The following BCAS4 variants were observed in gnomAD, a reference collection of about 807,000 sequenced individuals.
The protein encoded by BCAS4 is breast carcinoma amplified sequence 4, also known as breast carcinoma-amplified sequence 4.
A neutral mutation model predicts 15.7 loss-of-function variants in BCAS4; 9 were observed. The ratio of observed to expected loss-of-function variants is 0.57; its 90% CI spans 0.34 to 1.00. The LOEUF is 1.00. Ranked by LOEUF, BCAS4 falls within the 50% of genes least tolerant of loss-of-function variation. The pLI is 0.02. For synonymous variants in BCAS4, 101 were observed against 99.5 expected (o/e 1.02, Z -0.09); for missense variants, 225 against 239.1 (o/e 0.94, Z 0.39).
chr20:50,837,956 A>G (rs983341823), intron 3 of BCAS4, among the ~76,000 whole-genome samples: 2 of 142,224 alleles, frequency 1.4e-5, no homozygotes, highest in Non-Finnish European at 3.1e-5. Flanking sequence ...CCCATTTCCC[A>G]CCCACCCACC....
chr20:50,813,110 T>C (rs6067556), intron 1 of BCAS4, among the ~76,000 whole-genome samples: 38,731 of 152,192 alleles, frequency 0.25, 6,633 homozygotes, highest in African/African-American at 0.5. Context: ...TGCGCCACTG[T>C]GCCTGGTCTG....
intron 4 of BCAS4, among the ~76,000 whole-genome samples, chr20:50,852,748 G>A (rs1188344740): frequency 6.6e-6 from 1 of 152,198 alleles, no homozygotes; most frequent in Non-Finnish European, 1.5e-5. Flanking sequence ...TTGAAAACAG[G>A]TCTGAGAGGC....
At chr20:50,845,605 C>T (rs1297666058) in intron 4 of BCAS4, among the ~76,000 whole-genome samples, 1 of 152,162 alleles carries the variant, frequency 6.6e-6, no homozygotes, top group African/African-American at 2.4e-5. Context: ...CCCCAGGACC[C>T]CACTGCCCCC....
At chr20:50,829,230 G>A (rs2088314189) in intron 2 of BCAS4, among the ~76,000 whole-genome samples, 1 of 152,072 alleles carries the variant, frequency 6.6e-6, no homozygotes, top group South Asian at 2.1e-4. Flanking sequence ...AGATTCAGTT[G>A]CTCCCCAGAA....
intron 3 of BCAS4, chr20:50,840,730 A>AT (rs1276509543): frequency 1.9e-5 from 31 of 1,612,256 alleles, no homozygotes; most frequent in Non-Finnish European, 2.5e-5. Flanking sequence ...GATCTCAGCC[A>AT]TATCGGATTT....
chr20:50,840,769 A>G, intron 3 of BCAS4: 4 of 1,577,152 alleles, frequency 2.5e-6, no homozygotes, highest in Non-Finnish European at 3.5e-6. Flanking sequence ...GGAGAAGCGG[A>G]GCGAGGCACG....
rs1978417513 is a variant in BCAS4 at position 50,851,483 on chromosome 20, C to T, written c.399+9583C>T. Among the ~76,000 whole-genome samples, 1 of 152,100 alleles carries T rather than the reference C, an allele frequency of 6.6e-6. No homozygotes were observed. The highest frequency in any genetic ancestry group is 1.5e-5 in the Non-Finnish European group (1 of 68,010). The stretch of plus-strand genomic sequence containing the variant: ...ATCAAATTGTGTTTTTCAGGCATTT[C>T]ATTCTTGCTGAGATTTTGAGGATGA... On this transcript the variant is annotated intron_variant, in intron 4 of 4. Coordinates refer to ENST00000371608, the MANE Select transcript of BCAS4 (RefSeq NM_198799.4). The surrounding 1 kb of genome is among the most constrained non-coding windows in gnomAD (Gnocchi z 4.3).
chr20:50,812,894 C>A (rs1406726152), intron 1 of BCAS4, among the ~76,000 whole-genome samples: 1 of 152,210 alleles, frequency 6.6e-6, no homozygotes, highest in Non-Finnish European at 1.5e-5. Context: ...TGGCTCACAG[C>A]AGCCTTGATC....
chr20:50,845,838 A>G (rs6096121), intron 4 of BCAS4, among the ~76,000 whole-genome samples: 27,440 of 152,268 alleles, frequency 0.18, 4,006 homozygotes, highest in African/African-American at 0.4. Context: ...TTCTGCCCCC[A>G]TGGGAGGAGC....
rs1413979758 is a variant in BCAS4, at chr20:50,851,619, A to C, written c.399+9719A>C. 1.3e-5 allele frequency among the ~76,000 whole-genome samples: 2 copies of C among 152,130 alleles called. No homozygotes were observed. Among genetic ancestry groups the C allele is most frequent in the Non-Finnish European group, 2.9e-5 (2 of 68,022 alleles). ...CTTTGCCCTGGTTGGTGGGACCCTCAACATGCCCTTCTCTCAAAGCAGCAC... is the reference window on the plus strand; with the variant it reads ...CTTTGCCCTGGTTGGTGGGACCCTCCACATGCCCTTCTCTCAAAGCAGCAC... On this transcript the variant is annotated intron_variant, in intron 4 of 4. Transcript: ENST00000371608. The surrounding 1 kb of genome is among the most constrained non-coding windows in gnomAD (Gnocchi z 4.3).
intron 3 of BCAS4, among the ~76,000 whole-genome samples, chr20:50,833,577 C>T (rs1045096803): frequency 2.6e-5 from 4 of 152,208 alleles, no homozygotes; most frequent in African/African-American, 4.8e-5. Flanking sequence ...GCAAGATTGC[C>T]GCGTTTCAAA....
intron 2 of BCAS4, among the ~76,000 whole-genome samples, 172 bp downstream of exon 2, chr20:50,818,454 C>G (rs1284672631): frequency 1.3e-5 from 2 of 152,194 alleles, no homozygotes; most frequent in African/African-American, 2.4e-5. Context: ...CTCTCTCTCT[C>G]GCTCTCTCTC....
intron 1 of BCAS4, among the ~76,000 whole-genome samples, chr20:50,814,934 C>T (rs138721445): frequency 9.0e-4 from 137 of 152,158 alleles, no homozygotes; most frequent in African/African-American, 3.0e-3. Flanking sequence ...ATAGTGAGAC[C>T]CCTGTCTCTG....
At chr20:50,844,953 G>T (rs1306820216) in intron 4 of BCAS4, among the ~76,000 whole-genome samples, 1 of 152,130 alleles carries the variant, frequency 6.6e-6, no homozygotes. Context: ...TGGGGGAGGT[G>T]GTGCAGCCTA....
rs199641210 is a variant in BCAS4 at position 50,814,250 on chromosome 20, A to G, written c.91-3961A>G. ...TGAGGTGGGGGACTGACCATAGCTG[A>G]CAAGCAGCAACAAAGGGGACACATT... On this transcript the variant is annotated intron_variant, in intron 1 of 4. Transcript: ENST00000371608. 2.6e-4 allele frequency among the ~76,000 whole-genome samples: 40 copies of G among 152,276 alleles called. 1 individual carries two copies. In the East Asian group the frequency reaches 7.7e-3, roughly 29 times the overall value.
At chr20:50,852,646 T>C (rs1422950226) in intron 4 of BCAS4, among the ~76,000 whole-genome samples, 1 of 152,206 alleles carries the variant, frequency 6.6e-6, no homozygotes, top group African/African-American at 2.4e-5. Context: ...TTTCCCAAAG[T>C]GCTGGGATTA....
chr20:50,872,596 A>G (rs1028471386), intron 4 of BCAS4, among the ~76,000 whole-genome samples: 5 of 150,538 alleles, frequency 3.3e-5, no homozygotes, highest in African/African-American at 1.2e-4. Flanking sequence ...AAAAAAAAAG[A>G]AAAAAATCAA....
intron 1 of BCAS4, among the ~76,000 whole-genome samples, chr20:50,810,969 A>G (rs986627061): frequency 6.6e-6 from 1 of 152,116 alleles, no homozygotes; most frequent in Non-Finnish European, 1.5e-5. Flanking sequence ...GGAGTAGGGG[A>G]GCTATAGGGT....
chr20:50,870,852 C>T (rs140016955), intron 4 of BCAS4, among the ~76,000 whole-genome samples: 1 of 152,246 alleles, frequency 6.6e-6, no homozygotes, highest in Non-Finnish European at 1.5e-5. Context: ...CAGCCAGGCC[C>T]TGCGCCCCAG....
Sources: gnomAD v4.1 joint callset for allele counts (sites outside exome capture counted in the v4.1 genomes callset) on GRCh38, gnomAD v4.1.1 for gene constraint, Gnocchi (gnomAD v3.1) non-coding constraint, MANE v1.5 for transcripts, NCBI Gene and HGNC (gene_info 2026-07-23, HGNC 2026-07-21) for gene names.